LRRC36: variants seen among roughly 807,000 people sequenced by gnomAD.
LRRC36 encodes the protein leucine rich repeat containing 36, also known as leucine-rich repeat-containing protein 36.
LRRC36 carries 62 observed loss-of-function variants against 81.1 expected under a neutral mutation model. The observed-to-expected ratio is 0.76, with a 90% CI of 0.62 to 0.94. The LOEUF is 0.94. Ranked by LOEUF, LRRC36 falls within the 40% of genes least tolerant of loss-of-function variation. LRRC36 has a pLI of 0.00. For synonymous variants in LRRC36, 334 were observed against 348.6 expected (o/e 0.96, Z 0.47); for missense variants, 761 against 881.7 (o/e 0.86, Z 1.73).
Position 67,341,967 on chromosome 16 carries a change from G to GTC in LRRC36, c.85_86dup (p.Ser30PhefsTer27). 6.2e-7 allele frequency: 1 copy of GTC among 1,610,168 alleles called. No individual in the cohort carries two copies. The highest frequency in any genetic ancestry group is 8.5e-7 in the Non-Finnish European group (1 of 1,177,602). On this transcript the variant is annotated frameshift_variant, in exon 2 of 14. Transcript: ENST00000329956. LOFTEE classifies it high-confidence loss of function. The stretch of plus-strand genomic sequence containing the variant: ...ATGATCTCTTTTCAGAACTGGTGGA[G>GTC]TCTCTTTCATTGCAGGGATCTTATG...
At chr16:67,375,864 G>A (rs1450532529) in intron 10 of LRRC36, among the ~76,000 whole-genome samples, 1 of 152,104 alleles carries the variant, frequency 6.6e-6, no homozygotes, top group Non-Finnish European at 1.5e-5. Context: ...TTAGGGGTTC[G>A]TTCTTTAGAA....
At chr16:67,378,525 C>A in intron 11 of LRRC36, 64 bp from the exon 12 acceptor site, 1 of 1,533,082 alleles carries the variant, frequency 6.5e-7, no homozygotes, top group Non-Finnish European at 9.0e-7. Context: ...CAGGCGTGAG[C>A]CACGGCACCC....
At chr16:67,335,549 C>T (rs944921435) in intron 1 of LRRC36, among the ~76,000 whole-genome samples, 2 of 152,146 alleles carry the variant, frequency 1.3e-5, no homozygotes, top group African/African-American at 4.8e-5. Context: ...CATACATCCT[C>T]CTCAGTTTAC....
At chr16:67,350,156 C>A in intron 4 of LRRC36, 46 bp from the exon 5 acceptor site, 1 of 1,212,502 alleles carries the variant, frequency 8.2e-7, no homozygotes, top group Non-Finnish European at 1.2e-6. Context: ...ATCTCAGAAG[C>A]CTTTTTTTTT....
At chr16:67,330,205 A>G (rs2037418199) in intron 1 of LRRC36, among the ~76,000 whole-genome samples, 1 of 151,860 alleles carries the variant, frequency 6.6e-6, no homozygotes, top group South Asian at 2.1e-4. Flanking sequence ...AGACGATTTC[A>G]TAGGTAATGG....
Position 67,340,998 on chromosome 16 carries a change from ATAGAATATG to A in LRRC36, c.71-956_71-948del, listed in dbSNP as rs1302045265. ...AGAATATAGAATATGTATATTATAT[ATAGAATATG>A]TATTCTATAGAATATGTACTCTACA... On this transcript the variant is annotated intron_variant, in intron 1 of 13. Transcript: ENST00000329956. 2.1e-3 allele frequency among the ~76,000 whole-genome samples: 247 copies of A among 118,424 alleles called. 78 individuals carry two copies. The highest frequency in any genetic ancestry group is 9.4e-3 in the African/African-American group (231 of 24,614). 77.7% of individuals were successfully genotyped at this position (118,424 alleles called of 152,430 possible).
intron 5 of LRRC36, among the ~76,000 whole-genome samples, chr16:67,360,380 G>A (rs998272475): frequency 3.3e-5 from 5 of 152,198 alleles, no homozygotes; most frequent in African/African-American, 1.2e-4. Context: ...ATCTGGAAAA[G>A]AGCATATGTG....
At chr16:67,371,307 C>T (rs1342673965) in intron 9 of LRRC36, 65 bp downstream of exon 9, 3 of 1,585,692 alleles carry the variant, frequency 1.9e-6, no homozygotes, top group Non-Finnish European at 2.6e-6. Context: ...AATGAGGGTT[C>T]TGTTGGGAAT....
At chr16:67,337,701 A>G (rs1327130790) in intron 1 of LRRC36, among the ~76,000 whole-genome samples, 3 of 151,302 alleles carry the variant, frequency 2.0e-5, no homozygotes, top group African/African-American at 7.3e-5. Flanking sequence ...TCTGTATTCA[A>G]TTTTTTTTCT....
At position 67,329,203 on chromosome 16, in the gene LRRC36, C is replaced by T. The variant is rs147432048; in HGVS notation, c.70+2271C>T. Among the ~76,000 whole-genome samples, 776 of 152,158 alleles carry T rather than the reference C, an allele frequency of 5.1e-3. 4 individuals are homozygous for T. The highest frequency in any genetic ancestry group is 0.018 in the African/African-American group (758 of 41,502). ...GGATTATAAGTGCAAGCCACAGCACCTGGCCAGTATGTATTTTTAAAAGCT... is the reference window on the plus strand; with the variant it reads ...GGATTATAAGTGCAAGCCACAGCACTTGGCCAGTATGTATTTTTAAAAGCT... On this transcript the variant is annotated intron_variant, in intron 1 of 13. Transcript: ENST00000329956.
chr16:67,358,539 G>C (rs992407899), intron 5 of LRRC36, among the ~76,000 whole-genome samples: 18 of 149,558 alleles, frequency 1.2e-4, no homozygotes, highest in Non-Finnish European at 2.2e-4. Flanking sequence ...TTTTTGTGGA[G>C]ATAAGGTCTT....
At chr16:67,378,232 A>ATTTTTTTTT (rs1273856739) in intron 11 of LRRC36, among the ~76,000 whole-genome samples, 57 of 111,942 alleles carry the variant, frequency 5.1e-4, no homozygotes, top group African/African-American at 2.1e-3. Context: ...AGCATGTCAG[A>ATTTTTTTTT]TTCTTTTTTT....
At chr16:67,370,663 T>C (rs9937593) in intron 8 of LRRC36, among the ~76,000 whole-genome samples, 12,370 of 149,296 alleles carry the variant, frequency 0.083, 1,707 homozygotes, top group African/African-American at 0.29. Context: ...TCAGAAGAAC[T>C]GGGCACCACT....
intron 1 of LRRC36, among the ~76,000 whole-genome samples, chr16:67,332,532 T>G (rs945696507): frequency 6.6e-6 from 1 of 152,088 alleles, no homozygotes; most frequent in Non-Finnish European, 1.5e-5. Flanking sequence ...CCAGCCTGGG[T>G]GACAGAGCGA....
intron 9 of LRRC36, among the ~76,000 whole-genome samples, chr16:67,373,295 T>C (rs2039738612): frequency 6.6e-6 from 1 of 152,210 alleles, no homozygotes. Flanking sequence ...ATTTTTCTCT[T>C]TATGGAAAGC....
intron 5 of LRRC36, among the ~76,000 whole-genome samples, chr16:67,360,168 T>C (rs1429934945): frequency 2.6e-5 from 4 of 151,820 alleles, no homozygotes; most frequent in Admixed American, 1.3e-4. Context: ...TTTTTGGTTG[T>C]GTGCAGGTAC....
At chr16:67,382,466 A>G (rs1456228771) in intron 13 of LRRC36, among the ~76,000 whole-genome samples, 1 of 152,146 alleles carries the variant, frequency 6.6e-6, no homozygotes, top group African/African-American at 2.4e-5. Flanking sequence ...GGTGGGTTGC[A>G]ACACCTCGAT....
At chr16:67,351,110 A>G (rs1287699896) in intron 5 of LRRC36, among the ~76,000 whole-genome samples, 1 of 152,176 alleles carries the variant, frequency 6.6e-6, no homozygotes, top group Non-Finnish European at 1.5e-5. Flanking sequence ...GGCCGGGAGA[A>G]AGCTTTCCAC....
chr16:67,350,385 A>G (rs1350672727), intron 5 of LRRC36, 95 bp downstream of exon 5: 1 of 1,024,994 alleles, frequency 9.8e-7, no homozygotes, highest in East Asian at 2.4e-5. Context: ...CATAGTTGAG[A>G]AAGAACCAAT....
Sources: gnomAD v4.1 joint callset for allele counts (sites outside exome capture counted in the v4.1 genomes callset) on GRCh38, gnomAD v4.1.1 for gene constraint, MANE v1.5 for transcripts, NCBI Gene and HGNC (gene_info 2026-07-23, HGNC 2026-07-21) for gene names.